PERM1: variants seen among roughly 807,000 people sequenced by gnomAD.
PERM1 encodes PPARGC1 and ESRR induced regulator, muscle 1, also known as PGC-1 and ERR-induced regulator in muscle protein 1.
Under a neutral mutation model 44.1 loss-of-function variants are expected in PERM1, and 45 were observed. The observed-to-expected ratio is 1.02, with a 90% CI of 0.80 to 1.31. PERM1 has a LOEUF of 1.31. Among genes scored for constraint, PERM1 ranks in the 50% most tolerant of loss-of-function variants. The pLI is 0.00. For synonymous variants in PERM1, 565 were observed against 477.1 expected (o/e 1.18, Z -2.40); for missense variants, 1,189 against 1,106.9 (o/e 1.07, Z -1.05).
exon 1 of PERM1, chr1:979,697 C>T (rs780307316): frequency 3.3e-5 from 51 of 1,550,198 alleles, no homozygotes; most frequent in Non-Finnish European, 4.3e-5. Flanking sequence ...GGTGTAGACA[C>T]AAGCCCGCTG....
chr1:978,481 G>A (rs1272519915), intron 1 of PERM1, among the ~76,000 whole-genome samples: 1 of 152,210 alleles, frequency 6.6e-6, no homozygotes, highest in African/African-American at 2.4e-5. Context: ...AGTTGGGCCA[G>A]TTTGGGGGAA....
At chr1:976,176 G>A (rs751979566) in exon 3 of PERM1, 242 of 1,546,428 alleles carry the variant, frequency 1.6e-4, no homozygotes, top group Non-Finnish European at 2.1e-4. Context: ...TGGCTCCTAG[G>A]AGCTGGGGCT....
exon 1 of PERM1, chr1:980,877 G>T: frequency 1.4e-6 from 2 of 1,405,244 alleles, no homozygotes; most frequent in South Asian, 3.3e-5. Context: ...TGGGGGGACT[G>T]CTGCCACTGC....
rs1557658625 is a variant in PERM1, at chr1:978,962, A to AC, written c.2067dup (p.Ser690ValfsTer25). 6.6e-7 allele frequency: 1 copy of AC among 1,507,876 alleles called. No individual in the cohort carries two copies. The highest frequency in any genetic ancestry group is 2.2e-5 in the Admixed American group (1 of 45,502). The allele number at this position is 1,507,876 out of a possible 1,614,324, so 93.4% of individuals were successfully genotyped here. On this transcript the variant is annotated frameshift_variant, in exon 1 of 3. Coordinates refer to ENST00000433179, the Ensembl canonical transcript of PERM1. LOFTEE classifies it high-confidence loss of function. ...CCAGGCCCCGCCCCCTCGGAGGCCG[A>AC]CCGGGGAGGCTCCAGGGCCTGCAGT...
chr1:978,629 G>A (rs1206615582), intron 1 of PERM1, among the ~76,000 whole-genome samples: 1 of 152,218 alleles, frequency 6.6e-6, no homozygotes, highest in Non-Finnish European at 1.5e-5. Flanking sequence ...GGGGAGGGAC[G>A]CCGCCGTCAC....
chr1:978,810 C>T lies in PERM1; in HGVS notation c.2149+71G>A, dbSNP rs1643695696. ...CGGCCTGCCCGGCCCCTGCGGCCCCCTGCTTGGCCAAGATCCCTGGACAGT... is the reference window on the plus strand; with the variant it reads ...CGGCCTGCCCGGCCCCTGCGGCCCCTTGCTTGGCCAAGATCCCTGGACAGT... On this transcript the variant is annotated intron_variant, in intron 1 of 2. Transcript: ENST00000433179. 10 of 1,370,516 alleles carry T rather than the reference C, an allele frequency of 7.3e-6. No homozygotes were observed. In the South Asian group the frequency reaches 1.5e-4, roughly 20 times the overall value. 84.9% of individuals were successfully genotyped at this position (1,370,516 alleles called of 1,614,324 possible).
chr1:982,011 G>A (rs1643800934), upstream of PERM1: 1 of 1,271,538 alleles, frequency 7.9e-7, no homozygotes, highest in Non-Finnish European at 1.0e-6. Flanking sequence ...CTCTGTGGGG[G>A]TTGTTACCAT....
At chr1:979,714 G>A (rs1643735076) in exon 1 of PERM1, 3 of 1,550,324 alleles carry the variant, frequency 1.9e-6, no homozygotes, top group Non-Finnish European at 2.6e-6. Flanking sequence ...GCTGGACTCG[G>A]TCATCCTCGG....
At chr1:976,203 C>T (rs763200472) in exon 3 of PERM1, 588 of 1,541,816 alleles carry the variant, frequency 3.8e-4, no homozygotes, top group Non-Finnish European at 5.0e-4. Flanking sequence ...GTGGCTGCGG[C>T]GCCCTTGCCC....
exon 1 of PERM1, chr1:979,367 T>C: frequency 6.6e-7 from 1 of 1,506,254 alleles, no homozygotes; most frequent in South Asian, 1.3e-5. Flanking sequence ...TGCTTGAGGA[T>C]CCGAGGCTGG....
chr1:978,742 G>A (rs1020216623), intron 1 of PERM1, 139 bp downstream of exon 2: 1 of 760,412 alleles, frequency 1.3e-6, no homozygotes, highest in East Asian at 3.0e-5. Flanking sequence ...GGGATGACTG[G>A]GGGCTGGTCC....
chr1:979,807 T>C (rs1377198577), exon 1 of PERM1: 2 of 1,550,192 alleles, frequency 1.3e-6, no homozygotes, highest in African/African-American at 1.4e-5. Context: ...ATCCAGGCCA[T>C]GTTTGGAGGC....
rs1396556483 is a variant in PERM1 at position 976,722 on chromosome 1, CGGG to C, written c.2150-101_2150-99del. 15 of 1,397,472 alleles carry C rather than the reference CGGG, an allele frequency of 1.1e-5. 3 individuals carry two copies. In the African/African-American group the frequency reaches 1.1e-4, roughly 10 times the overall value. The allele number at this position is 1,397,472 out of a possible 1,614,324, so 86.6% of individuals were successfully genotyped here. On this transcript the variant is annotated intron_variant, in intron 1 of 2. Transcript: ENST00000433179. ...CGCCTGCCCCCACCCCCACCAACCC[CGGG>C]AACCGCCTCCCACTCCCCCCGCCAA... is the stretch of plus-strand genomic sequence containing the variant.
At chr1:981,533 G>A (rs1301872010), upstream of PERM1, among the ~76,000 whole-genome samples, 4 of 152,190 alleles carry the variant, frequency 2.6e-5, no homozygotes, top group African/African-American at 7.2e-5. Context: ...ATCCCAGTGC[G>A]CCCCAGCTGG....
In PERM1 at chr1:978,946, G is replaced by A. The variant is rs528069699; in HGVS notation, c.2084C>T (p.Ala695Val). 2.6e-4 allele frequency: 388 copies of A among 1,506,810 alleles called. No homozygotes were observed. The African/African-American group carries it at 4.4e-3, about 17-fold the overall frequency. The allele number at this position is 1,506,810 out of a possible 1,614,324, so 93.3% of individuals were successfully genotyped here. ...TGGCTTGAGGGGGGTCCCAGGCCCC[G>A]CCCCCTCGGAGGCCGACCGGGGAGG... The change falls in exon 1 of 3, where the codon GCG becomes GTG. Residue 695 changes from alanine (A) to valine (V), a missense_variant. Physicochemically the swap from Ala to Val is moderately conservative, Grantham distance 64. Transcript: ENST00000433179.
In PERM1 at chr1:979,316, GC is replaced by G. The variant is rs1217979498; in HGVS notation, c.1713del (p.Ser574AlafsTer5). 6 of 1,536,704 alleles carry G rather than the reference GC, an allele frequency of 3.9e-6. No individual in the cohort carries two copies. The highest frequency in any genetic ancestry group is 2.8e-5 in the African/African-American group (2 of 72,674). On this transcript the variant is annotated frameshift_variant, in exon 1 of 3. Transcript: ENST00000433179. LOFTEE classifies it high-confidence loss of function. ...AGGGTCACGGCAAAGCTGCTCCCGG[GC>G]CCGACCCTCGTCACGGCAGAGGGAG...
chr1:979,118 G>T, exon 1 of PERM1: 6 of 1,549,950 alleles, frequency 3.9e-6, no homozygotes, highest in Non-Finnish European at 5.2e-6. Flanking sequence ...TCAGCTCTCG[G>T]GAGCGGCTCC....
exon 1 of PERM1, chr1:979,253 C>T (rs1204919253): frequency 1.1e-5 from 17 of 1,549,860 alleles, no homozygotes; most frequent in African/African-American, 1.1e-4. Context: ...TCGTTCTCCT[C>T]GATGGTGTCA....
intron 1 of PERM1, among the ~76,000 whole-genome samples, chr1:978,436 T>A (rs1557658297): frequency 6.6e-6 from 1 of 152,166 alleles, no homozygotes. Context: ...ATCGCCCCCG[T>A]GCTTCTTCTG....
Sources: gnomAD v4.1 joint callset for allele counts (sites outside exome capture counted in the v4.1 genomes callset) on GRCh38, gnomAD v4.1.1 for gene constraint, MANE v1.5 for transcripts, NCBI Gene and HGNC (gene_info 2026-07-23, HGNC 2026-07-21) for gene names.